CDK6: variants seen among roughly 807,000 people sequenced by gnomAD.
CDK6 encodes cyclin-dependent kinase 6.
CDK6 carries 6 observed loss-of-function variants against 37.1 expected under a neutral mutation model. That is an observed-to-expected ratio of 0.16 (90% CI 0.09 to 0.32). CDK6 has a LOEUF of 0.32. CDK6 is among the 10% of genes least tolerant of loss of function. The pLI is 1.00. For missense variants in CDK6, 224 were observed against 418.9 expected (o/e 0.53, Z 4.06); for synonymous variants, 160 against 161.3 (o/e 0.99, Z 0.06).
rs772401806 is a variant in CDK6, at chr7:92,623,020, TATA to T, written c.698+13_698+15del. The T allele has an allele frequency of 4.7e-5, 72 of 1,517,640 alleles. No individual in the cohort carries two copies. The South Asian group carries it at 8.4e-4, about 18-fold the overall frequency. 94.0% of individuals were successfully genotyped at this position (1,517,640 alleles called of 1,614,324 possible). A position where few individuals can be genotyped will look rare whatever the true frequency, so the allele number is the denominator to read the frequency against. On this transcript the variant is annotated intron_variant, in intron 6 of 7. Transcript: ENST00000424848. ...AATGCTATGGACACTGGTGTAAAAT[TATA>T]ATTATTACTTACTCCAAGATTTTTC...
At chr7:92,760,670 T>C (rs1198057522) in intron 3 of CDK6, among the ~76,000 whole-genome samples, 1 of 152,148 alleles carries the variant, frequency 6.6e-6, no homozygotes, top group Non-Finnish European at 1.5e-5. Flanking sequence ...TTGTAAACAA[T>C]AAATTATAAG....
intron 5 of CDK6, among the ~76,000 whole-genome samples, chr7:92,628,667 A>G (rs750486953): frequency 6.6e-6 from 1 of 152,122 alleles, no homozygotes; most frequent in Non-Finnish European, 1.5e-5. Flanking sequence ...GCAGAGGTAC[A>G]TATATACGAT....
At chr7:92,672,242 C>CACACACACACACACACACACACACAT (rs1374477819) in intron 4 of CDK6, among the ~76,000 whole-genome samples, 10 of 116,570 alleles carry the variant, frequency 8.6e-5, no homozygotes, top group African/African-American at 1.7e-4. Flanking sequence ...CACACACACA[C>CACACACACACACACACACACACACAT]ATATATGAAG....
intron 2 of CDK6, among the ~76,000 whole-genome samples, chr7:92,780,124 C>T (rs1160040541): frequency 6.6e-6 from 1 of 152,116 alleles, no homozygotes; most frequent in Non-Finnish European, 1.5e-5. Context: ...AGGCATGCAC[C>T]ATCATGCCTG....
chr7:92,774,564 CT>C (rs1799798935), intron 3 of CDK6, 131 bp downstream of exon 3: 1 of 731,112 alleles, frequency 1.4e-6, no homozygotes, highest in African/African-American at 1.9e-5. Context: ...TGAACATTTT[CT>C]TTGATTTTTT....
chr7:92,703,011 G>A (rs1205479444), intron 4 of CDK6, among the ~76,000 whole-genome samples: 1 of 152,142 alleles, frequency 6.6e-6, no homozygotes, highest in Non-Finnish European at 1.5e-5. Context: ...TCCAGGCATC[G>A]ATGAGTGTCC....
At chr7:92,784,664 C>A (rs1325981379) in intron 2 of CDK6, among the ~76,000 whole-genome samples, 3 of 152,164 alleles carry the variant, frequency 2.0e-5, no homozygotes, top group African/African-American at 7.2e-5. Flanking sequence ...AAGTCGCAAG[C>A]CCTACTGGCA....
intron 4 of CDK6, among the ~76,000 whole-genome samples, chr7:92,719,232 C>T (rs544413591): frequency 6.6e-6 from 1 of 152,272 alleles, no homozygotes; most frequent in East Asian, 1.9e-4. Flanking sequence ...ACCATCCCAT[C>T]ACCTGGGTAT....
intron 5 of CDK6, among the ~76,000 whole-genome samples, chr7:92,664,477 A>G (rs1796912033): frequency 1.3e-5 from 2 of 152,202 alleles, no homozygotes. Context: ...CATTTTAAAG[A>G]CATTTGCTCA....
chr7:92,699,746 G>A (rs112554986), intron 4 of CDK6, among the ~76,000 whole-genome samples: 74 of 152,328 alleles, frequency 4.9e-4, no homozygotes, highest in African/African-American at 1.7e-3. Context: ...GTTCTCAAAA[G>A]CTCACAGCTG....
At chr7:92,819,665 T>C (rs1801121414) in intron 2 of CDK6, among the ~76,000 whole-genome samples, 2 of 151,788 alleles carry the variant, frequency 1.3e-5, no homozygotes, top group African/African-American at 4.8e-5. Context: ...ACAGAGATAA[T>C]GTGGAGGACT....
chr7:92,727,334 T>C (rs1315551486), intron 3 of CDK6, among the ~76,000 whole-genome samples: 2 of 152,226 alleles, frequency 1.3e-5, no homozygotes, highest in Admixed American at 6.5e-5. Flanking sequence ...GAGAACAGTA[T>C]ATTTGGTTAC....
intron 2 of CDK6, among the ~76,000 whole-genome samples, chr7:92,818,355 G>C: frequency 6.6e-6 from 1 of 151,900 alleles, no homozygotes; most frequent in East Asian, 1.9e-4. Flanking sequence ...AGAAAGCAAA[G>C]TATTTTCAAT....
chr7:92,656,926 G>T (rs142100184), intron 5 of CDK6, among the ~76,000 whole-genome samples: 169 of 152,212 alleles, frequency 1.1e-3, no homozygotes, highest in African/African-American at 3.9e-3. Flanking sequence ...ACCTGAACAA[G>T]CAGGCCTTGC....
intron 2 of CDK6, among the ~76,000 whole-genome samples, chr7:92,806,704 A>T (rs531598838): frequency 6.6e-6 from 1 of 152,210 alleles, no homozygotes; most frequent in Non-Finnish European, 1.5e-5. Context: ...ATTTTGCAAC[A>T]TGCGGAACAG....
rs200478365 is a variant in CDK6, at chr7:92,777,455, A to G, written c.234-2624T>C. On this transcript the variant is annotated intron_variant, in intron 2 of 7. Transcript: ENST00000424848. ...GAGACGGGGTTACTCCATGTTGGTC[A>G]GACTGGTCTCAAACTCCTGACCTTA... Among the ~76,000 whole-genome samples, 11 of 152,356 alleles carry G rather than the reference A, an allele frequency of 7.2e-5. No individual in the cohort carries two copies. The East Asian group carries it at 1.7e-3, about 24-fold the overall frequency.
intron 3 of CDK6, among the ~76,000 whole-genome samples, chr7:92,744,629 G>A (rs1297793929): frequency 6.6e-6 from 1 of 152,062 alleles, no homozygotes; most frequent in Admixed American, 6.6e-5. Flanking sequence ...TACTATGTTT[G>A]TCTCATACAC....
At chr7:92,763,291 T>C (rs1437877614) in intron 3 of CDK6, among the ~76,000 whole-genome samples, 10 of 152,246 alleles carry the variant, frequency 6.6e-5, no homozygotes, top group Non-Finnish European at 1.5e-4. Context: ...GACTATGATA[T>C]ATTTAAATTT....
chr7:92,607,937 T>C lies in CDK6; in HGVS notation c.*7203A>G. 1 of 233,502 alleles carries C rather than the reference T, an allele frequency of 4.3e-6. No homozygotes were observed. The highest frequency in any genetic ancestry group is 2.2e-5 in the African/African-American group (1 of 45,488). 14.5% of individuals were successfully genotyped at this position (233,502 alleles called of 1,614,324 possible). A position where few individuals can be genotyped will look rare whatever the true frequency, so the allele number is the denominator to read the frequency against. ...TAAGAAATGTATTACTGCTGGGATT[T>C]GTTTTATTATTCAGACTTTAAGATC... On this transcript the variant is annotated 3_prime_UTR_variant, in exon 8 of 8. Coordinates refer to ENST00000424848, the MANE Select transcript of CDK6 (RefSeq NM_001145306.2).
Sources: gnomAD v4.1 joint callset for allele counts (sites outside exome capture counted in the v4.1 genomes callset) on GRCh38, gnomAD v4.1.1 for gene constraint, MANE v1.5 for transcripts, NCBI Gene and HGNC (gene_info 2026-07-23, HGNC 2026-07-21) for gene names.